ADCY2: variants seen among roughly 807,000 people sequenced by gnomAD.
The protein encoded by ADCY2 is adenylate cyclase type 2.
In ADCY2, 31 loss-of-function variants were observed where a neutral mutation model predicts 125.2. That is an observed-to-expected ratio of 0.25 (90% CI 0.19 to 0.33). ADCY2 has a LOEUF of 0.33. ADCY2 is among the 10% of genes least tolerant of loss of function. The pLI, the probability that ADCY2 is intolerant of heterozygous loss-of-function variation, is 1.00. For synonymous variants in ADCY2, 512 were observed against 548.4 expected (o/e 0.93, Z 0.93); for missense variants, 904 against 1,418.2 (o/e 0.64, Z 5.82).
chr5:7,733,212 A>C lies in ADCY2; in HGVS notation c.1871+5951A>C, dbSNP rs142713483. Among the ~76,000 whole-genome samples, 329 of 152,320 alleles carry C rather than the reference A, an allele frequency of 2.2e-3. 2 individuals carry two copies. Among genetic ancestry groups the C allele is most frequent in the African/African-American group, 7.6e-3 (314 of 41,566 alleles). ...GATGTTTTACTTAAGAAAAAATAAT[A>C]AACCAAATTATAATGTTAAATGTCT... On this transcript the variant is annotated intron_variant, in intron 14 of 24. Coordinates refer to ENST00000338316, the MANE Select transcript of ADCY2 (RefSeq NM_020546.3).
chr5:7,819,187 G>A lies in ADCY2; in HGVS notation c.2999-1378G>A, dbSNP rs115077063. On this transcript the variant is annotated intron_variant, in intron 23 of 24. Coordinates refer to ENST00000338316, the MANE Select transcript of ADCY2 (RefSeq NM_020546.3). ...CAGATGGTGCCCACTCACATTGAGG[G>A]TGGGTCTGCCTTTCCCAATCCACTC... Among the ~76,000 whole-genome samples the A allele has an allele frequency of 5.7e-3, 875 of 152,212 alleles. 31 individuals are homozygous for A. The East Asian group carries it at 0.1, about 17-fold the overall frequency.
At chr5:7,817,439 A>T (rs904540059) in intron 23 of ADCY2, among the ~76,000 whole-genome samples, 2 of 152,176 alleles carry the variant, frequency 1.3e-5, no homozygotes, top group Non-Finnish European at 2.9e-5. Flanking sequence ...AAGAACACCA[A>T]ATGTGTCATA....
chr5:7,414,622 C>A lies in ADCY2; in HGVS notation c.260C>A (p.Ala87Glu), dbSNP rs759785562. The A allele has an allele frequency of 1.9e-6, 3 of 1,613,338 alleles. No individual in the cohort carries two copies. Among genetic ancestry groups the A allele is most frequent in the East Asian group, 2.2e-5 (1 of 44,844 alleles). The change falls in exon 2 of 25, where the codon GCG becomes GAG. Residue 87 changes from alanine (A) to glutamate (E), a missense_variant. Physicochemically the swap from Ala to Glu is moderately radical, Grantham distance 107. This residue lies in a region of ADCY2 where 121 missense variants were observed against 161.5 expected (regional missense o/e 0.75). Coordinates refer to ENST00000338316, the MANE Select transcript of ADCY2 (RefSeq NM_020546.3). ...CTAATAACAGTTCCAACTGCCCTGG[C>A]GATTTTCTTTGCGATATTTATCCTG... ...AFLITVPTAL[A>E]IFFAIFILVC...
intron 3 of ADCY2, among the ~76,000 whole-genome samples, chr5:7,586,369 C>G (rs1736625276): frequency 6.6e-6 from 1 of 152,122 alleles, no homozygotes; most frequent in South Asian, 2.1e-4. Context: ...CTTTCAAGGT[C>G]CCAACCACAT....
At chr5:7,600,098 ACTT>A (rs1447884010) in intron 3 of ADCY2, among the ~76,000 whole-genome samples, 1 of 152,180 alleles carries the variant, frequency 6.6e-6, no homozygotes, top group Non-Finnish European at 1.5e-5. Flanking sequence ...TGTGGGATGG[ACTT>A]CAGGGTTCTG....
chr5:7,644,854 A>C (rs2126677035), intron 4 of ADCY2, among the ~76,000 whole-genome samples: 1 of 152,176 alleles, frequency 6.6e-6, no homozygotes, highest in Middle Eastern at 3.4e-3. Context: ...CGCCCCACCA[A>C]ATTCTTGCCA....
chr5:7,817,455 T>C (rs1382499397), intron 23 of ADCY2, among the ~76,000 whole-genome samples: 2 of 152,208 alleles, frequency 1.3e-5, no homozygotes, highest in Non-Finnish European at 2.9e-5. Flanking sequence ...TCATAGGTTC[T>C]GAAACAGCGA....
At chr5:7,658,441 A>G (rs746941350) in intron 4 of ADCY2, among the ~76,000 whole-genome samples, 405 of 95,094 alleles carry the variant, frequency 4.3e-3, no homozygotes, top group Non-Finnish European at 7.2e-3. Flanking sequence ...GTATATATAT[A>G]TATATTTGAG....
intron 2 of ADCY2, among the ~76,000 whole-genome samples, chr5:7,436,397 G>A (rs1388722289): frequency 2.6e-5 from 4 of 152,136 alleles, no homozygotes; most frequent in African/African-American, 4.8e-5. Context: ...TATCTCTATC[G>A]TTGCCTTCTC....
chr5:7,666,441 T>C (rs1457466332), intron 4 of ADCY2, among the ~76,000 whole-genome samples: 2 of 151,866 alleles, frequency 1.3e-5, no homozygotes, highest in South Asian at 2.1e-4. Flanking sequence ...GCTAATTTTT[T>C]ATATTTTTAG....
intron 14 of ADCY2, among the ~76,000 whole-genome samples, chr5:7,730,940 T>C (rs1448787774): frequency 6.6e-6 from 1 of 152,156 alleles, no homozygotes; most frequent in Non-Finnish European, 1.5e-5. Flanking sequence ...TGCTCAGTTC[T>C]GGAAAATTCT....
intron 5 of ADCY2, chr5:7,691,073 A>C (rs1360232999): frequency 5.7e-6 from 2 of 352,438 alleles, no homozygotes; most frequent in South Asian, 2.0e-4. Context: ...GTTGTCCTTC[A>C]TAGCCCTGGC....
chr5:7,661,706 A>G (rs1279990218), intron 4 of ADCY2, among the ~76,000 whole-genome samples: 3 of 152,212 alleles, frequency 2.0e-5, no homozygotes. Flanking sequence ...ATCTGTCTCC[A>G]TCTGTCCTGA....
intron 3 of ADCY2, among the ~76,000 whole-genome samples, chr5:7,592,454 T>C (rs1187329037): frequency 2.0e-5 from 3 of 151,938 alleles, no homozygotes; most frequent in Admixed American, 2.0e-4. Flanking sequence ...GAAAATAAAA[T>C]CTGGAGACAT....
intron 3 of ADCY2, among the ~76,000 whole-genome samples, chr5:7,535,152 T>G (rs970335793): frequency 6.6e-6 from 1 of 152,192 alleles, no homozygotes; most frequent in Non-Finnish European, 1.5e-5. Flanking sequence ...GTGATTCTCC[T>G]GCCTCAGCCT....
At chr5:7,460,606 G>A (rs10051185) in intron 2 of ADCY2, among the ~76,000 whole-genome samples, 1,796 of 152,270 alleles carry the variant, frequency 0.012, 35 homozygotes, top group African/African-American at 0.041. Flanking sequence ...TTTCTTACAA[G>A]CAATCTTCAA....
chr5:7,697,042 A>G (rs746330232), intron 6 of ADCY2, among the ~76,000 whole-genome samples: 1 of 152,024 alleles, frequency 6.6e-6, no homozygotes, highest in Non-Finnish European at 1.5e-5. Context: ...TGGGAACAGC[A>G]TAACTCCAAT....
intron 14 of ADCY2, among the ~76,000 whole-genome samples, chr5:7,730,946 AT>A (rs1257846055): frequency 3.9e-5 from 6 of 152,072 alleles, no homozygotes; most frequent in African/African-American, 1.2e-4. Context: ...GTTCTGGAAA[AT>A]TCTCTGCCTC....
intron 2 of ADCY2, among the ~76,000 whole-genome samples, chr5:7,415,375 A>C (rs772309372): frequency 2.0e-5 from 3 of 152,168 alleles, no homozygotes; most frequent in Non-Finnish European, 4.4e-5. Context: ...CCGGGGCCTC[A>C]TACTGTCACT....
Sources: gnomAD v4.1 joint callset for allele counts (sites outside exome capture counted in the v4.1 genomes callset) on GRCh38, gnomAD v4.1.1 for gene constraint, gnomAD v4.1.1 regional missense constraint, MANE v1.5 for transcripts, NCBI Gene and HGNC (gene_info 2026-07-23, HGNC 2026-07-21) for gene names.